EPHA7: variants seen among roughly 807,000 people sequenced by gnomAD.
The protein encoded by EPHA7 is ephrin type-A receptor 7.
In EPHA7, 25 loss-of-function variants were observed where a neutral mutation model predicts 112.6. That is an observed-to-expected ratio of 0.22 (90% confidence interval 0.16 to 0.31). The LOEUF is 0.31. Ranked by LOEUF, EPHA7 falls within the 10% of genes least tolerant of loss-of-function variation. The pLI, the probability that EPHA7 is intolerant of heterozygous loss-of-function variation, is 1.00. For missense variants in EPHA7, 962 were observed against 1,212.6 expected, an observed-to-expected ratio of 0.79 and a Z score of 3.07; for synonymous variants, 437 against 406.5, an observed-to-expected ratio of 1.07 and a Z score of -0.90.
chr6:93,309,233 G>A (rs1773410857), intron 5 of EPHA7, among the ~76,000 whole-genome samples: 1 of 152,204 alleles, frequency 6.6e-6, no homozygotes. Context: ...GCAGGCGTGA[G>A]CCACCGCACC....
chr6:93,316,357 T>C (rs555834553), intron 5 of EPHA7, among the ~76,000 whole-genome samples: 219 of 152,322 alleles, frequency 1.4e-3, no homozygotes, highest in African/African-American at 5.0e-3. Flanking sequence ...GAACTGAATA[T>C]GTCAATTAGC....
chr6:93,398,570 A>G (rs1424055765), intron 3 of EPHA7, among the ~76,000 whole-genome samples: 5 of 145,748 alleles, frequency 3.4e-5, no homozygotes, highest in Non-Finnish European at 7.5e-5. Context: ...CTAAAACACT[A>G]TAAGAGAAGA....
intron 6 of EPHA7, among the ~76,000 whole-genome samples, chr6:93,270,837 T>C (rs1374365275): frequency 1.3e-5 from 2 of 151,812 alleles, no homozygotes; most frequent in Admixed American, 6.6e-5. Flanking sequence ...ACATCACGCA[T>C]GCGTGCATAT....
intron 5 of EPHA7, among the ~76,000 whole-genome samples, chr6:93,309,846 T>TTTC (rs1198052444): frequency 2.6e-5 from 4 of 152,202 alleles, no homozygotes; most frequent in Non-Finnish European, 5.9e-5. Context: ...AACAATATCG[T>TTTC]TAAGTATTCT....
intron 6 of EPHA7, among the ~76,000 whole-genome samples, 170 bp downstream of exon 6, chr6:93,272,125 TATA>T (rs545023114): frequency 3.3e-4 from 50 of 152,002 alleles, no homozygotes; most frequent in Admixed American, 3.3e-3. Context: ...AAATCACATT[TATA>T]ATGATAAGCC....
At chr6:93,359,470 A>C (rs554273389) in intron 3 of EPHA7, among the ~76,000 whole-genome samples, 49 of 151,940 alleles carry the variant, frequency 3.2e-4, no homozygotes, top group African/African-American at 1.2e-3. Flanking sequence ...AAAGAAAATC[A>C]TATCTGTAAA....
intron 3 of EPHA7, among the ~76,000 whole-genome samples, chr6:93,359,521 T>C (rs1776134931): frequency 1.3e-5 from 2 of 152,090 alleles, no homozygotes; most frequent in South Asian, 2.1e-4. Flanking sequence ...AAATTTAGCA[T>C]TTAATTTATT....
chr6:93,375,611 C>T (rs906324125), intron 3 of EPHA7, among the ~76,000 whole-genome samples: 9 of 149,514 alleles, frequency 6.0e-5, no homozygotes, highest in Non-Finnish European at 1.0e-4. Context: ...AAAAAAACTC[C>T]AAGATTTGGA....
At chr6:93,301,308 C>T (rs1374195237) in intron 5 of EPHA7, among the ~76,000 whole-genome samples, 1 of 151,864 alleles carries the variant, frequency 6.6e-6, no homozygotes, top group African/African-American at 2.4e-5. Flanking sequence ...GTGTAATGAT[C>T]AAATAAGAGT....
chr6:93,384,243 C>A (rs1777489803), intron 3 of EPHA7, among the ~76,000 whole-genome samples: 1 of 152,092 alleles, frequency 6.6e-6, no homozygotes, highest in Non-Finnish European at 1.5e-5. Flanking sequence ...CCTAACACAT[C>A]CCCCTCCCTT....
chr6:93,321,070 C>CTTGAGAAAATATATGAATTAGTATT (rs1774046837), intron 5 of EPHA7, among the ~76,000 whole-genome samples: 7 of 151,848 alleles, frequency 4.6e-5, no homozygotes, highest in African/African-American at 1.4e-4. Flanking sequence ...AATTCATACC[C>CTTGAGAAAATATATGAATTAGTATT]TTGAGAAAAT....
At chr6:93,298,956 GA>G (rs1461411296) in intron 5 of EPHA7, among the ~76,000 whole-genome samples, 1 of 151,818 alleles carries the variant, frequency 6.6e-6, no homozygotes, top group East Asian at 1.9e-4. Flanking sequence ...ATTTACAAGA[GA>G]AAAAAACATT....
intron 3 of EPHA7, among the ~76,000 whole-genome samples, chr6:93,402,913 G>A (rs1400561480): frequency 6.6e-6 from 1 of 151,950 alleles, no homozygotes; most frequent in Non-Finnish European, 1.5e-5. Context: ...TGCTAACAAG[G>A]GTGAAATGCC....
chr6:93,410,930 C>T lies in EPHA7; in HGVS notation c.403G>A (p.Gly135Ser). The change falls in exon 3 of 17, where the codon GGC becomes AGC. Residue 135 changes from glycine to serine, a missense_variant. Gly to Ser is a moderately conservative substitution (Grantham distance 56). Around this residue, in one of 3 missense-constraint regions of EPHA7, gnomAD observed 160 missense variants for 263.6 expected, o/e 0.61. Transcript: ENST00000369303. The surrounding 1 kb of genome is among the most constrained non-coding windows in gnomAD (Gnocchi z 4.0). ...LYYYETDYDT[G>S]RNIRENLYVK... ...TAGAGGTTTTCTCTTATATTCCTGC[C>T]AGTGTCATAGTCTGTTTCATAATAG... 1 of 1,613,902 alleles carries T rather than the reference C, an allele frequency of 6.2e-7. No homozygotes were observed. The highest frequency in any genetic ancestry group is 8.5e-7 in the Non-Finnish European group (1 of 1,179,952).
chr6:93,340,460 G>C (rs578074428), intron 5 of EPHA7, among the ~76,000 whole-genome samples: 1 of 151,738 alleles, frequency 6.6e-6, no homozygotes, highest in South Asian at 2.1e-4. Context: ...AAGTTAAAAA[G>C]AATTTTGAGC....
intron 9 of EPHA7, among the ~76,000 whole-genome samples, chr6:93,260,193 T>A (rs545422580): frequency 8.4e-4 from 128 of 151,908 alleles, no homozygotes; most frequent in African/African-American, 3.0e-3. Flanking sequence ...AGAGGAATGG[T>A]TTATATGAAC....
In EPHA7 at chr6:93,419,546, T is replaced by C. The variant is rs1313831394; in HGVS notation, c.-205A>G. 2.3e-6 allele frequency: 1 copy of C among 429,626 alleles called. No individual in the cohort carries two copies. Among genetic ancestry groups the C allele is most frequent in the Non-Finnish European group, 4.1e-6 (1 of 243,220 alleles). 26.6% of individuals were successfully genotyped at this position (429,626 alleles called of 1,614,324 possible). ...GCACCGTGTTTGCTGCCTGCAAGTC[T>C]CCGACTGCAGACCGGCCGCTTGCTC... is the stretch of plus-strand genomic sequence containing the variant. On this transcript the variant is annotated 5_prime_UTR_variant, in exon 1 of 17. Coordinates refer to ENST00000369303, the MANE Select transcript of EPHA7 (RefSeq NM_004440.4).
chr6:93,347,759 G>T (rs164533), intron 5 of EPHA7, among the ~76,000 whole-genome samples: 21,416 of 151,690 alleles, frequency 0.14, 2,007 homozygotes, highest in African/African-American at 0.26. Context: ...TGCTCACATG[G>T]CCTTTCTCAG....
intron 3 of EPHA7, among the ~76,000 whole-genome samples, chr6:93,379,372 T>C (rs1458894369): frequency 3.9e-5 from 6 of 152,086 alleles, no homozygotes; most frequent in Admixed American, 3.3e-4. Flanking sequence ...AAAATTATAG[T>C]TGGGCATTTT....
Sources: gnomAD v4.1 joint callset for allele counts (sites outside exome capture counted in the v4.1 genomes callset) on GRCh38, gnomAD v4.1.1 for gene constraint, gnomAD v4.1.1 regional missense constraint, Gnocchi (gnomAD v3.1) non-coding constraint, MANE v1.5 for transcripts, NCBI Gene and HGNC (gene_info 2026-07-23, HGNC 2026-07-21) for gene names.